SUSD1: variants seen among roughly 807,000 people sequenced by gnomAD.
The protein encoded by SUSD1 is sushi domain-containing protein 1.
In SUSD1, 65 loss-of-function variants were observed where a neutral mutation model predicts 86.9. The ratio of observed to expected loss-of-function variants is 0.75; its 90% confidence interval spans 0.61 to 0.92. The LOEUF (loss-of-function observed/expected upper bound fraction) is 0.92, where lower values mean the gene tolerates loss of function less well. Among genes scored for constraint, SUSD1 ranks in the 40% least tolerant of loss-of-function variants. The pLI, the probability that SUSD1 is intolerant of heterozygous loss-of-function variation, is 0.00. For missense variants in SUSD1, 850 were observed against 929.7 expected, an observed-to-expected ratio of 0.91 and a Z score of 1.11; for synonymous variants, 346 against 350.0, an observed-to-expected ratio of 0.99 and a Z score of 0.13.
chr9:112,150,998 G>A (rs958171078), intron 2 of SUSD1, among the ~76,000 whole-genome samples: 11 of 152,178 alleles, frequency 7.2e-5, no homozygotes, highest in Middle Eastern at 3.2e-3. Context: ...GCACTGGCAC[G>A]ATCATAGCTC....
chr9:112,104,409 A>G (rs138776386), intron 8 of SUSD1, among the ~76,000 whole-genome samples: 3 of 151,824 alleles, frequency 2.0e-5, no homozygotes, highest in African/African-American at 7.2e-5. Flanking sequence ...AATAATAGTA[A>G]TAATAATAAT....
chr9:112,115,824 G>GA (rs58111856), intron 6 of SUSD1, among the ~76,000 whole-genome samples: 3,866 of 120,650 alleles, frequency 0.032, 200 homozygotes, highest in African/African-American at 0.1. Flanking sequence ...AAAAAAAAAA[G>GA]AAAAAAAAAA....
At chr9:112,060,618 G>A (rs1382969135) in intron 13 of SUSD1, among the ~76,000 whole-genome samples, 1 of 152,192 alleles carries the variant, frequency 6.6e-6, no homozygotes, top group East Asian at 1.9e-4. Context: ...TTTTCATAAA[G>A]TCTTGGCTCA....
intron 1 of SUSD1, among the ~76,000 whole-genome samples, chr9:112,161,820 CAAAAAAAA>C (rs11354546): frequency 5.9e-5 from 7 of 119,566 alleles, no homozygotes; most frequent in East Asian, 2.5e-4. Context: ...AGACTCCATC[CAAAAAAAA>C]AAAAAAAAAA....
At chr9:112,122,242 C>T (rs536069904) in intron 6 of SUSD1, among the ~76,000 whole-genome samples, 27 of 152,202 alleles carry the variant, frequency 1.8e-4, no homozygotes, top group Non-Finnish European at 2.9e-4. Context: ...TCTTGGCTTA[C>T]GACTGTCTCC....
chr9:112,152,392 G>A (rs80210063), intron 2 of SUSD1, among the ~76,000 whole-genome samples: 5,480 of 150,580 alleles, frequency 0.036, 364 homozygotes, highest in African/African-American at 0.13. Flanking sequence ...ATTCTATATG[G>A]TTTTTTTTGT....
At chr9:112,087,461 A>G (rs1001310227) in intron 10 of SUSD1, among the ~76,000 whole-genome samples, 1 of 152,170 alleles carries the variant, frequency 6.6e-6, no homozygotes, top group African/African-American at 2.4e-5. Context: ...GATTACAGGT[A>G]TGAGCCACTG....
At chr9:112,171,025 T>C (rs75434150) in intron 1 of SUSD1, among the ~76,000 whole-genome samples, 3,092 of 152,250 alleles carry the variant, frequency 0.02, 122 homozygotes, top group African/African-American at 0.07. Flanking sequence ...TATATTAAAA[T>C]AGAAGTCTAA....
chr9:112,122,448 C>T (rs1438008687), intron 6 of SUSD1, among the ~76,000 whole-genome samples: 1 of 152,078 alleles, frequency 6.6e-6, no homozygotes, highest in African/African-American at 2.4e-5. Flanking sequence ...GTGTGAGCCA[C>T]TGCACCCGGC....
intron 15 of SUSD1, among the ~76,000 whole-genome samples, chr9:112,049,341 A>G (rs981737486): frequency 6.6e-6 from 1 of 152,220 alleles, no homozygotes; most frequent in African/African-American, 2.4e-5. Context: ...GTGACTCAAG[A>G]AATCACAGAC....
Position 112,124,349 on chromosome 9 carries a change from A to G in SUSD1, c.794T>C (p.Val265Ala). Residue 265 changes from valine to alanine, a missense_variant, in exon 6 of 17, where the codon GTC (valine) becomes GCC (alanine). Coordinates refer to ENST00000374270, the MANE Select transcript of SUSD1 (RefSeq NM_022486.5). ...AGGGCTCTCAAAGCCCTCTTGACAG[A>G]CATAGCGAGCCACACCGCCCAGCCT... ...SSRLGGVARY[V>A]CQEGFESPGG... 1 of 1,614,158 alleles carries G rather than the reference A, an allele frequency of 6.2e-7. No individual in the cohort carries two copies.
At chr9:112,170,868 C>A (rs781068149) in intron 1 of SUSD1, among the ~76,000 whole-genome samples, 2 of 151,908 alleles carry the variant, frequency 1.3e-5, no homozygotes, top group Non-Finnish European at 2.9e-5. Flanking sequence ...CACCACCAGG[C>A]CCGGCCAATT....
rs151247282 is a variant in SUSD1 at position 112,149,298 on chromosome 9, G to A, written c.319C>T (p.Arg107Ter). Residue 107 changes from arginine (R) to a stop codon, truncating the protein, a stop_gained, in exon 3 of 17, where the codon CGA becomes TGA. Coordinates refer to ENST00000374270, the MANE Select transcript of SUSD1 (RefSeq NM_022486.5). LOFTEE classifies it high-confidence loss of function. ...AATGTCTTGTTGTTGTTTGTGGCTC[G>A]ATATCCTTCCAGGCAAATGCAATAG... Reference protein sequence around the residue: ...GFYCICLEGYRATNNNKTFIP... With the variant: ...GFYCICLEGY The A allele has an allele frequency of 1.6e-5, 26 of 1,614,058 alleles. No individual in the cohort carries two copies. Among genetic ancestry groups the A allele is most frequent in the South Asian group, 5.5e-5 (5 of 91,074 alleles).
At chr9:112,138,268 T>TACAC (rs1243765307) in intron 5 of SUSD1, among the ~76,000 whole-genome samples, 1 of 74,634 alleles carries the variant, frequency 1.3e-5, no homozygotes, top group Admixed American at 1.6e-4. Context: ...TGTATATACA[T>TACAC]ATATATATAT....
intron 15 of SUSD1, among the ~76,000 whole-genome samples, chr9:112,044,941 A>G (rs1827891499): frequency 6.6e-6 from 1 of 152,266 alleles, no homozygotes; most frequent in African/African-American, 2.4e-5. Context: ...TAATAAAGAC[A>G]TACCTCAATA....
chr9:112,081,065 CA>C (rs1829747648), intron 10 of SUSD1, among the ~76,000 whole-genome samples: 1 of 152,212 alleles, frequency 6.6e-6, no homozygotes, highest in African/African-American at 2.4e-5. Flanking sequence ...TGTGGAGGTA[CA>C]CCCATCCAAG....
intron 10 of SUSD1, among the ~76,000 whole-genome samples, chr9:112,085,024 T>C (rs536722869): frequency 6.6e-6 from 1 of 152,370 alleles, no homozygotes; most frequent in East Asian, 1.9e-4. Flanking sequence ...TATTGATCTT[T>C]GTCTATCACC....
intron 8 of SUSD1, among the ~76,000 whole-genome samples, chr9:112,103,515 G>T (rs1040551632): frequency 3.9e-5 from 6 of 152,236 alleles, no homozygotes; most frequent in African/African-American, 1.4e-4. Flanking sequence ...AACAGAAGCA[G>T]AAGTACTGTC....
At chr9:112,101,301 G>A (rs1335077444) in intron 9 of SUSD1, among the ~76,000 whole-genome samples, 2 of 151,960 alleles carry the variant, frequency 1.3e-5, no homozygotes, top group Non-Finnish European at 1.5e-5. Flanking sequence ...GGTGGAGGTC[G>A]CAGTGAGCCA....
Sources: allele counts gnomAD v4.1 joint callset (sites outside exome capture counted in the v4.1 genomes callset), GRCh38; gene constraint gnomAD v4.1.1; transcripts MANE v1.5; gene names NCBI Gene and HGNC (gene_info 2026-07-23, HGNC 2026-07-21).